The following LRRC7 variants were observed in gnomAD, a reference collection of about 807,000 sequenced individuals.
LRRC7 encodes the protein leucine-rich repeat-containing protein 7.
Under a neutral mutation model 175.7 loss-of-function variants are expected in LRRC7, and 23 were observed. The observed-to-expected ratio is 0.13, with a 90% CI of 0.09 to 0.19. LRRC7 has a LOEUF of 0.19. Ranked by LOEUF, LRRC7 falls within the 10% of genes least tolerant of loss-of-function variation. The probability of loss-of-function intolerance (pLI) is 1.00; values close to 1 mark genes in which losing one functional copy is unlikely to be tolerated. For missense variants in LRRC7, 1,354 were observed against 1,904.7 expected (o/e 0.71, Z 5.38); for synonymous variants, 685 against 680.9 (o/e 1.01, Z -0.09).
At chr1:70,106,209 T>G (rs1234051572) in intron 25 of LRRC7, among the ~76,000 whole-genome samples, 5 of 152,200 alleles carry the variant, frequency 3.3e-5, no homozygotes, top group Non-Finnish European at 4.4e-5. Flanking sequence ...TAAGTGATTT[T>G]TATGTGTTCA....
chr1:69,639,268 A>G (rs1653844206), intron 1 of LRRC7, among the ~76,000 whole-genome samples: 2 of 151,778 alleles, frequency 1.3e-5, no homozygotes, highest in South Asian at 4.1e-4. Context: ...CAATAACCAA[A>G]TGGTGTTTTT....
chr1:69,735,006 T>C lies in LRRC7; in HGVS notation c.101-25185T>C. 1.3e-5 allele frequency among the ~76,000 whole-genome samples: 2 copies of C among 151,990 alleles called. 1 individual carries two copies. Among genetic ancestry groups the C allele is most frequent in the East Asian group, 3.9e-4 (2 of 5,190 alleles). On this transcript the variant is annotated intron_variant, in intron 2 of 26. Transcript: ENST00000651989. The stretch of plus-strand genomic sequence containing the variant: ...AAAAAAAAACCACCTATATAATCTT[T>C]ACCTAGATTCACCAATTGCCAACAT...
chr1:69,781,786 AAAGG>A (rs771907811), intron 3 of LRRC7, among the ~76,000 whole-genome samples: 988 of 28,128 alleles, frequency 0.035, 112 homozygotes, highest in African/African-American at 0.044. Flanking sequence ...AGAAAGAAAG[AAAGG>A]AAGGAAGGAA....
chr1:69,717,826 GA>G (rs1463048705), intron 2 of LRRC7, among the ~76,000 whole-genome samples: 479 of 25,290 alleles, frequency 0.019, 57 homozygotes, highest in African/African-American at 0.032. Flanking sequence ...AAGAAAGAAA[GA>G]AAGAAAGAAA....
chr1:69,736,467 A>G (rs1425959836), intron 2 of LRRC7, among the ~76,000 whole-genome samples: 1 of 152,156 alleles, frequency 6.6e-6, no homozygotes, highest in Non-Finnish European at 1.5e-5. Flanking sequence ...TGAATGACAA[A>G]GAGACATTTT....
At chr1:69,938,992 AGAT>A (rs1168141915) in intron 8 of LRRC7, among the ~76,000 whole-genome samples, 26 of 130,562 alleles carry the variant, frequency 2.0e-4, no homozygotes, top group African/African-American at 6.9e-4. Flanking sequence ...CTAAGGCTGT[AGAT>A]TATATATATA....
intron 1 of LRRC7, among the ~76,000 whole-genome samples, chr1:69,657,635 C>G (rs1656848622): frequency 6.6e-6 from 1 of 151,624 alleles, no homozygotes; most frequent in South Asian, 2.1e-4. Context: ...ATTGACTTAC[C>G]TAGGTCTGCA....
At chr1:69,716,103 A>C in intron 2 of LRRC7, 1 of 413,466 alleles carries the variant, frequency 2.4e-6, no homozygotes, top group East Asian at 3.6e-5. Flanking sequence ...TTATAATTGC[A>C]GTTAATTGAA....
intron 12 of LRRC7, 60 bp from the exon 13 acceptor site, chr1:70,012,914 T>A: frequency 1.2e-6 from 1 of 816,570 alleles, no homozygotes; most frequent in Non-Finnish European, 1.8e-6. Flanking sequence ...ATTAGAAAAA[T>A]TAATATAAAA....
chr1:69,734,794 G>A (rs1042561676), intron 2 of LRRC7, among the ~76,000 whole-genome samples: 4 of 151,666 alleles, frequency 2.6e-5, no homozygotes, highest in Non-Finnish European at 5.9e-5. Flanking sequence ...ATTTAATTTG[G>A]TTTTATGCTT....
At chr1:69,865,199 T>C (rs1460779430) in intron 7 of LRRC7, among the ~76,000 whole-genome samples, 1 of 152,080 alleles carries the variant, frequency 6.6e-6, no homozygotes, top group Non-Finnish European at 1.5e-5. Flanking sequence ...CAGGTGCTTA[T>C]ATATCAGCGA....
intron 4 of LRRC7, among the ~76,000 whole-genome samples, chr1:69,793,784 C>T (rs1016809083): frequency 2.0e-5 from 3 of 151,982 alleles, no homozygotes; most frequent in East Asian, 1.9e-4. Flanking sequence ...CCTAAAACAG[C>T]GTGTGTCACA....
intron 13 of LRRC7, among the ~76,000 whole-genome samples, 181 bp downstream of exon 13, chr1:70,013,270 G>T (rs1656677544): frequency 6.6e-6 from 1 of 151,642 alleles, no homozygotes; most frequent in African/African-American, 2.4e-5. Context: ...TCTGAATTTT[G>T]TTATTTGATT....
At chr1:69,610,242 A>G (rs1453331348) in intron 1 of LRRC7, among the ~76,000 whole-genome samples, 1 of 152,056 alleles carries the variant, frequency 6.6e-6, no homozygotes, top group African/African-American at 2.4e-5. Flanking sequence ...GTAGTGTTCA[A>G]CCTGTTCCTT....
At chr1:70,010,846 T>G (rs1656438327) in intron 11 of LRRC7, among the ~76,000 whole-genome samples, 1 of 152,158 alleles carries the variant, frequency 6.6e-6, no homozygotes, top group Non-Finnish European at 1.5e-5. Context: ...TCAATGTACA[T>G]CTATACAATT....
chr1:69,738,584 T>C lies in LRRC7; in HGVS notation c.101-21607T>C, dbSNP rs145844167. Among the ~76,000 whole-genome samples the C allele has an allele frequency of 1.6e-4, 24 of 152,142 alleles. No individual in the cohort carries two copies. The East Asian group carries it at 4.3e-3, about 27-fold the overall frequency. On this transcript the variant is annotated intron_variant, in intron 2 of 26. Transcript: ENST00000651989. ...TTTTCTTATCACACAAAGTGTTACT[T>C]TATCAGTAGGCTGCTGTATGAGCCC...
chr1:69,987,830 A>C (rs1654078093), intron 10 of LRRC7, among the ~76,000 whole-genome samples: 1 of 152,178 alleles, frequency 6.6e-6, no homozygotes, highest in African/African-American at 2.4e-5. Flanking sequence ...TTTTATTTAC[A>C]AAATCCCATA....
chr1:69,865,469 C>CTTTTTTT (rs532063540), intron 7 of LRRC7, among the ~76,000 whole-genome samples: 654 of 51,254 alleles, frequency 0.013, 146 homozygotes, highest in African/African-American at 0.029. Flanking sequence ...AAGACAGTTC[C>CTTTTTTT]TTTTTTTTTT....
chr1:69,594,933 G>A (rs904123879), intron 1 of LRRC7, among the ~76,000 whole-genome samples: 13 of 152,050 alleles, frequency 8.5e-5, no homozygotes, highest in Non-Finnish European at 1.8e-4. Context: ...AAAAAATGAA[G>A]AGTTTTTCAT....
Sources: allele counts gnomAD v4.1 joint callset (sites outside exome capture counted in the v4.1 genomes callset), GRCh38; gene constraint gnomAD v4.1.1; transcripts MANE v1.5; gene names NCBI Gene and HGNC (gene_info 2026-07-23, HGNC 2026-07-21).